NKAIN3: variants seen among roughly 807,000 people sequenced by gnomAD.
NKAIN3 encodes the protein sodium/potassium-transporting ATPase subunit beta-1-interacting protein 3.
A neutral mutation model predicts 30.2 loss-of-function variants in NKAIN3; 25 were observed. The observed-to-expected ratio is 0.83, with a 90% CI of 0.60 to 1.16. The LOEUF (loss-of-function observed/expected upper bound fraction) is 1.16, where lower values mean the gene tolerates loss of function less well. NKAIN3 is among the 50% of genes most tolerant of loss of function. The pLI is 0.00. For missense variants in NKAIN3, 225 were observed against 254.1 expected, an observed-to-expected ratio of 0.89 and a Z score of 0.78; for synonymous variants, 91 against 89.6, an observed-to-expected ratio of 1.02 and a Z score of -0.09.
chr8:62,434,575 C>T (rs1276700139), intron 1 of NKAIN3, among the ~76,000 whole-genome samples: 1 of 152,112 alleles, frequency 6.6e-6, no homozygotes, highest in Non-Finnish European at 1.5e-5. Context: ...TGCTTTTTCT[C>T]TTCCAAGTAT....
chr8:62,568,727 T>G (rs953895880), intron 1 of NKAIN3, among the ~76,000 whole-genome samples: 2 of 152,182 alleles, frequency 1.3e-5, no homozygotes, highest in Non-Finnish European at 2.9e-5. Context: ...AGATCCCATA[T>G]TGTTTGCCTG....
At chr8:62,849,462 A>G (rs1819804468) in intron 4 of NKAIN3, among the ~76,000 whole-genome samples, 1 of 151,534 alleles carries the variant, frequency 6.6e-6, no homozygotes. Context: ...TTTTTTTATT[A>G]TTATACTTCA....
intron 5 of NKAIN3, among the ~76,000 whole-genome samples, chr8:62,953,637 G>T (rs573265005): frequency 6.6e-6 from 1 of 152,258 alleles, no homozygotes; most frequent in South Asian, 2.1e-4. Context: ...AAAATCTCAT[G>T]CTATTTAATA....
intron 1 of NKAIN3, chr8:62,483,854 A>G (rs929490073): frequency 2.8e-5 from 5 of 181,398 alleles, no homozygotes; most frequent in Admixed American, 6.2e-5. Flanking sequence ...ATCCTTCTTA[A>G]AATGGTCCCC....
chr8:62,404,831 C>T (rs1239324838), intron 1 of NKAIN3, among the ~76,000 whole-genome samples: 1 of 152,068 alleles, frequency 6.6e-6, no homozygotes, highest in Non-Finnish European at 1.5e-5. Flanking sequence ...GTAGTTTCTT[C>T]CCATGGCCAC....
intron 3 of NKAIN3, among the ~76,000 whole-genome samples, chr8:62,652,351 A>C (rs1812647753): frequency 6.6e-6 from 1 of 152,166 alleles, no homozygotes; most frequent in African/African-American, 2.4e-5. Context: ...CTTTTAAGAG[A>C]ATTTGGCATT....
chr8:62,436,226 A>C lies in NKAIN3; in HGVS notation c.55-143313A>C, dbSNP rs570140208. On this transcript the variant is annotated intron_variant, in intron 1 of 6. Transcript: ENST00000623646. ...TCTCACTAATAAATGAGGATTTTAA[A>C]GTGCCAACAATAGTTCTTTAAATAA... 5.9e-5 allele frequency among the ~76,000 whole-genome samples: 9 copies of C among 152,336 alleles called. No individual in the cohort carries two copies. The South Asian group carries it at 1.9e-3, about 32-fold the overall frequency.
chr8:62,320,557 T>G (rs898933876), intron 1 of NKAIN3, among the ~76,000 whole-genome samples: 6 of 152,130 alleles, frequency 3.9e-5, no homozygotes, highest in Admixed American at 6.5e-5. Flanking sequence ...GCATTTGCTT[T>G]TCTGTAAAGG....
At chr8:62,717,321 T>C (rs1814938525) in intron 3 of NKAIN3, among the ~76,000 whole-genome samples, 1 of 152,218 alleles carries the variant, frequency 6.6e-6, no homozygotes, top group Non-Finnish European at 1.5e-5. Flanking sequence ...ATATTAACTA[T>C]AACATATTAA....
chr8:62,547,808 A>G (rs772608498), intron 1 of NKAIN3, among the ~76,000 whole-genome samples: 13 of 152,224 alleles, frequency 8.5e-5, no homozygotes, highest in African/African-American at 3.1e-4. Context: ...ACAATGTGGC[A>G]TGCTATGGAG....
intron 3 of NKAIN3, among the ~76,000 whole-genome samples, chr8:62,703,258 C>T (rs1466275891): frequency 1.3e-5 from 2 of 152,078 alleles, no homozygotes; most frequent in African/African-American, 4.8e-5. Flanking sequence ...TTATGATATT[C>T]ACTGTTTTTG....
chr8:62,754,936 T>C (rs1350129124), intron 4 of NKAIN3, among the ~76,000 whole-genome samples: 3 of 152,210 alleles, frequency 2.0e-5, no homozygotes, highest in Non-Finnish European at 2.9e-5. Context: ...GAAACTGAAC[T>C]TTTGAAATAT....
At chr8:62,632,733 C>T (rs1812003223) in intron 3 of NKAIN3, among the ~76,000 whole-genome samples, 1 of 151,646 alleles carries the variant, frequency 6.6e-6, no homozygotes, top group East Asian at 1.9e-4. Context: ...AAACTCCTGA[C>T]CTCAGGTGAT....
intron 1 of NKAIN3, among the ~76,000 whole-genome samples, chr8:62,532,257 G>C (rs1355520642): frequency 6.6e-6 from 1 of 152,068 alleles, no homozygotes; most frequent in Non-Finnish European, 1.5e-5. Context: ...ACAGCCTCAT[G>C]GTACCAGGGT....
chr8:62,700,096 G>C (rs1814284788), intron 3 of NKAIN3, among the ~76,000 whole-genome samples: 1 of 152,146 alleles, frequency 6.6e-6, no homozygotes, highest in Non-Finnish European at 1.5e-5. Context: ...CTGTACTCCA[G>C]TCTGGGCAAT....
intron 1 of NKAIN3, among the ~76,000 whole-genome samples, chr8:62,345,506 C>CACATATGT (rs1156288588): frequency 2.9e-4 from 4 of 13,928 alleles, no homozygotes; most frequent in African/African-American, 4.3e-4. Flanking sequence ...CATATATACA[C>CACATATGT]ATATATACAC....
In NKAIN3 at chr8:62,504,917, C is replaced by A. The variant is rs1427046469; in HGVS notation, c.55-74622C>A. 5.3e-5 allele frequency among the ~76,000 whole-genome samples: 8 copies of A among 152,178 alleles called. 1 individual carries two copies. Among genetic ancestry groups the A allele is most frequent in the Admixed American group, 5.2e-4 (8 of 15,272 alleles). ...TGACTTTCTTTCAGTTTTGAATGCT[C>A]TTCTTCCCTGATAAAATGCCAGTTA... On this transcript the variant is annotated intron_variant, in intron 1 of 6. Coordinates refer to ENST00000623646, the MANE Select transcript of NKAIN3 (RefSeq NM_001304533.3).
chr8:62,686,452 GAA>G (rs201815000), intron 3 of NKAIN3, among the ~76,000 whole-genome samples: 2 of 151,718 alleles, frequency 1.3e-5, no homozygotes, highest in African/African-American at 4.8e-5. Context: ...ACAGCCTGCA[GAA>G]AAAAAAGTGT....
At position 62,982,049 on chromosome 8, in the gene NKAIN3, A is replaced by G. The variant is rs1824095001; in HGVS notation, c.*16642A>G. 1 of 152,200 alleles carries G rather than the reference A, an allele frequency of 6.6e-6. No homozygotes were observed. The highest frequency in any genetic ancestry group is 6.5e-5 in the Admixed American group (1 of 15,276). 9.4% of individuals were successfully genotyped at this position (152,200 alleles called of 1,614,324 possible). A position where few individuals can be genotyped will look rare whatever the true frequency, so the allele number is the denominator to read the frequency against. Reference sequence around the variant, plus strand: ...AATTAAACACACTATCTCTACCTAAAAGAACAGAGATAGAAAACTCATATA... The same window carrying G: ...AATTAAACACACTATCTCTACCTAAGAGAACAGAGATAGAAAACTCATATA... On this transcript the variant is annotated 3_prime_UTR_variant, in exon 7 of 7. Coordinates refer to ENST00000623646, the MANE Select transcript of NKAIN3 (RefSeq NM_001304533.3).
Sources: gnomAD v4.1 joint callset for allele counts (sites outside exome capture counted in the v4.1 genomes callset) on GRCh38, gnomAD v4.1.1 for gene constraint, MANE v1.5 for transcripts, NCBI Gene and HGNC (gene_info 2026-07-23, HGNC 2026-07-21) for gene names.